Variants in RBMS2 observed in about 807,000 individuals in gnomAD.
RBMS2 encodes the protein RNA binding motif single stranded interacting protein 2.
A neutral mutation model predicts 58.4 loss-of-function variants in RBMS2; 38 were observed. That is an observed-to-expected ratio of 0.65 (90% CI 0.50 to 0.85). The LOEUF (loss-of-function observed/expected upper bound fraction) is 0.85, where lower values mean the gene tolerates loss of function less well. Ranked by LOEUF, RBMS2 falls within the 40% of genes least tolerant of loss-of-function variation. The pLI is 0.00. For missense variants in RBMS2, 367 were observed against 503.7 expected (o/e 0.73, Z 2.60); for synonymous variants, 151 against 180.7 (o/e 0.84, Z 1.32).
intron 1 of RBMS2, among the ~76,000 whole-genome samples, chr12:56,547,550 C>T (rs957970470): frequency 1.3e-5 from 2 of 151,932 alleles, no homozygotes; most frequent in Non-Finnish European, 2.9e-5. Context: ...TTTCAAGGCC[C>T]AAGTGTCTTT....
At chr12:56,572,156 G>C (rs1027248198) in intron 5 of RBMS2, among the ~76,000 whole-genome samples, 6 of 151,806 alleles carry the variant, frequency 4.0e-5, no homozygotes, top group Non-Finnish European at 7.4e-5. Flanking sequence ...AGACGTGGTG[G>C]CGCATGCCTG....
In RBMS2 at chr12:56,591,645, A is replaced by C. The variant is rs901186076; in HGVS notation, c.*2512A>C. The C allele has an allele frequency of 6.6e-6, 1 of 152,066 alleles. No homozygotes were observed. Among genetic ancestry groups the C allele is most frequent in the South Asian group, 2.1e-4 (1 of 4,824 alleles). The allele number at this position is 152,066 out of a possible 1,614,324, so 9.4% of individuals were successfully genotyped here. A position where few individuals can be genotyped will look rare whatever the true frequency, so the allele number is the denominator to read the frequency against. Reference sequence around the variant, plus strand: ...ACAAATCTAGAATTCTGTTCATCTGATAGACCGGGGGAGCTTTGCTATGGT... The same window carrying C: ...ACAAATCTAGAATTCTGTTCATCTGCTAGACCGGGGGAGCTTTGCTATGGT... On this transcript the variant is annotated 3_prime_UTR_variant, in exon 14 of 14. Transcript: ENST00000262031.
At chr12:56,584,566 A>G (rs1177275099) in intron 9 of RBMS2, among the ~76,000 whole-genome samples, 1 of 152,034 alleles carries the variant, frequency 6.6e-6, no homozygotes, top group Non-Finnish European at 1.5e-5. Flanking sequence ...AGGGCGGATC[A>G]CAAGGTCAGG....
intron 9 of RBMS2, among the ~76,000 whole-genome samples, chr12:56,584,776 C>T (rs1479396778): frequency 6.6e-6 from 1 of 151,120 alleles, no homozygotes; most frequent in Non-Finnish European, 1.5e-5. Flanking sequence ...CAGAGTGAGA[C>T]TCTGTCTCAA....
intron 1 of RBMS2, among the ~76,000 whole-genome samples, chr12:56,540,837 A>G (rs562559157): frequency 6.6e-6 from 1 of 152,202 alleles, no homozygotes; most frequent in Non-Finnish European, 1.5e-5. Context: ...TTGGTGGCTC[A>G]TGCCTGTAAT....
In RBMS2 at chr12:56,594,946, G is replaced by A. The variant is rs917033794; in HGVS notation, c.*5813G>A. The A allele has an allele frequency of 1.3e-5, 2 of 152,116 alleles. No individual in the cohort carries two copies. The highest frequency in any genetic ancestry group is 4.8e-5 in the African/African-American group (2 of 41,360). The allele number at this position is 152,116 out of a possible 1,614,324, so 9.4% of individuals were successfully genotyped here. On this transcript the variant is annotated 3_prime_UTR_variant, in exon 14 of 14. Transcript: ENST00000262031. ...AGGCTCATAATTTTTAAACTCTTGG[G>A]AATTAAACTTGGGAATTTCTATTCC...
intron 1 of RBMS2, among the ~76,000 whole-genome samples, chr12:56,561,707 G>A (rs575581021): frequency 1.4e-5 from 2 of 145,462 alleles, no homozygotes; most frequent in South Asian, 2.2e-4. Flanking sequence ...TAGTATAAAC[G>A]GGGGTTCACC....
At chr12:56,587,689 A>C in intron 11 of RBMS2, 25 bp downstream of exon 11, 1 of 1,607,450 alleles carries the variant, frequency 6.2e-7, no homozygotes, top group Admixed American at 1.7e-5. Context: ...TTCTGATTGT[A>C]AACTCTCCTA....
intron 1 of RBMS2, among the ~76,000 whole-genome samples, chr12:56,551,204 TTTA>T (rs1331860897): frequency 2.0e-5 from 3 of 152,158 alleles, no homozygotes; most frequent in African/African-American, 7.2e-5. Context: ...GGCATGCGGT[TTTA>T]TTTGGCTCCT....
intron 1 of RBMS2, among the ~76,000 whole-genome samples, chr12:56,531,384 C>T (rs1873691138): frequency 1.3e-5 from 2 of 152,010 alleles, no homozygotes; most frequent in African/African-American, 2.4e-5. Flanking sequence ...TCTATACAAA[C>T]CCTGAAATAC....
chr12:56,580,576 G>C (rs988950266), intron 5 of RBMS2, among the ~76,000 whole-genome samples: 76 of 152,174 alleles, frequency 5.0e-4, no homozygotes, highest in Admixed American at 5.0e-3. Context: ...AGAGCTCTGG[G>C]TGGCGAAGTG....
At chr12:56,558,759 C>A (rs1229598717) in intron 1 of RBMS2, among the ~76,000 whole-genome samples, 1 of 82,850 alleles carries the variant, frequency 1.2e-5, no homozygotes, top group South Asian at 5.5e-4. Context: ...CCATGCACAC[C>A]TAATTTTTGC....
chr12:56,535,217 G>A (rs1376571313), intron 1 of RBMS2, among the ~76,000 whole-genome samples: 4 of 151,912 alleles, frequency 2.6e-5, no homozygotes, highest in Non-Finnish European at 4.4e-5. Flanking sequence ...GGTCTTGGAC[G>A]GGTGCAGTAG....
chr12:56,572,288 CAAAAA>C (rs34385329), intron 5 of RBMS2, among the ~76,000 whole-genome samples: 2 of 73,088 alleles, frequency 2.7e-5, no homozygotes, highest in East Asian at 3.9e-4. Flanking sequence ...GACTCTGTCT[CAAAAA>C]AAAAAAAAAA....
At chr12:56,545,862 G>A (rs1047069597) in intron 1 of RBMS2, among the ~76,000 whole-genome samples, 2 of 151,178 alleles carry the variant, frequency 1.3e-5, no homozygotes, top group African/African-American at 4.9e-5. Flanking sequence ...TTCCACTTTG[G>A]GCTATTATGA....
rs567790008 is a variant in RBMS2, at chr12:56,562,858, C to T, written c.233+275C>T. Among the ~76,000 whole-genome samples the T allele has an allele frequency of 1.5e-3, 234 of 152,310 alleles. 1 individual carries two copies. Among genetic ancestry groups the T allele is most frequent in the Non-Finnish European group, 2.6e-3 (178 of 68,028 alleles). ...CTGCTACTGGCCGGGTGCGGTGGCT[C>T]ATGCCTATAATCCCAGCACTTTGGG... On this transcript the variant is annotated intron_variant, in intron 2 of 13. Coordinates refer to ENST00000262031, the MANE Select transcript of RBMS2 (RefSeq NM_002898.4).
intron 5 of RBMS2, among the ~76,000 whole-genome samples, chr12:56,580,581 G>A (rs150606676): frequency 1.1e-3 from 174 of 152,254 alleles, no homozygotes; most frequent in African/African-American, 3.7e-3. Context: ...TCTGGGTGGC[G>A]AAGTGGTGCT....
rs201276487 is a variant in RBMS2 at position 56,588,889 on chromosome 12, A to G, written c.1144-43A>G. 2.5e-4 allele frequency: 403 copies of G among 1,598,502 alleles called. 3 individuals are homozygous for G. The African/African-American group carries it at 4.9e-3, about 19-fold the overall frequency. On this transcript the variant is annotated intron_variant, in intron 12 of 13. Coordinates refer to ENST00000262031, the MANE Select transcript of RBMS2 (RefSeq NM_002898.4). The stretch of plus-strand genomic sequence containing the variant: ...TCAGGCTGCTGTAGTGGAGGTGAGG[A>G]AAGGAATGCGCAAGATGACCCCCCT...
intron 4 of RBMS2, 32 bp downstream of exon 4, chr12:56,570,022 A>G (rs1882024613): frequency 1.9e-6 from 3 of 1,568,030 alleles, no homozygotes; most frequent in Non-Finnish European, 2.6e-6. Context: ...TGTTCCTCCA[A>G]GGGGTTTGTG....
Sources: allele counts gnomAD v4.1 joint callset (sites outside exome capture counted in the v4.1 genomes callset), GRCh38; gene constraint gnomAD v4.1.1; transcripts MANE v1.5; gene names NCBI Gene and HGNC (gene_info 2026-07-23, HGNC 2026-07-21).